The following SLC5A5 variants were observed in gnomAD, a reference collection of about 807,000 sequenced individuals.
SLC5A5 encodes the protein solute carrier family 5 member 5, also known as sodium/iodide cotransporter.
SLC5A5 carries 56 observed loss-of-function variants against 68.6 expected under a neutral mutation model. The ratio of observed to expected loss-of-function variants is 0.82; its 90% CI spans 0.66 to 1.02. The LOEUF is 1.02. SLC5A5 is among the 50% of genes least tolerant of loss of function. The pLI is 0.00. For missense variants in SLC5A5, 807 were observed against 859.8 expected (o/e 0.94, Z 0.77); for synonymous variants, 398 against 373.0 (o/e 1.07, Z -0.77).
chr19:17,888,695 T>G lies in SLC5A5; in HGVS notation c.1651+240T>G, dbSNP rs181872368. On this transcript the variant is annotated intron_variant, in intron 13 of 14. Coordinates refer to ENST00000222248, the MANE Select transcript of SLC5A5 (RefSeq NM_000453.3). ...TCACCCAGGCTGGAGTGCAGTGGTG[T>G]GATCTCAGTTCATTGCAACCTCCAC... is the stretch of plus-strand genomic sequence containing the variant. Among the ~76,000 whole-genome samples the G allele has an allele frequency of 4.6e-5, 7 of 151,622 alleles. No individual in the cohort carries two copies. The East Asian group carries it at 1.4e-3, about 29-fold the overall frequency.
rs760177027 is a variant in SLC5A5, at chr19:17,878,045, C to T, written c.921C>T (p.Tyr307=). 1.9e-5 allele frequency: 31 copies of T among 1,613,018 alleles called. No homozygotes were observed. The highest frequency in any genetic ancestry group is 2.5e-5 in the Non-Finnish European group (30 of 1,180,026). Residue 307 remains tyrosine, a synonymous_variant, in exon 7 of 15, where the codon TAC becomes TAT. Coordinates refer to ENST00000222248, the MANE Select transcript of SLC5A5 (RefSeq NM_000453.3). ...GTGGCATCGTCATGTTTGTGTTCTA[C>T]ACTGACTGCGACCCTCTCCTCCTGG... is the stretch of plus-strand genomic sequence containing the variant. ...ACCGIVMFVF[Y]TDCDPLLLGR... is the part of the protein sequence containing the mutation.
At chr19:17,886,455 AT>A (rs2029923671) in intron 12 of SLC5A5, among the ~76,000 whole-genome samples, 1 of 151,818 alleles carries the variant, frequency 6.6e-6, no homozygotes, top group South Asian at 2.1e-4. Flanking sequence ...CTACAGGCAT[AT>A]GCCACCACGC....
intron 6 of SLC5A5, 40 bp downstream of exon 6, chr19:17,877,903 T>C: frequency 6.2e-7 from 1 of 1,613,564 alleles, no homozygotes; most frequent in Non-Finnish European, 8.5e-7. Flanking sequence ...TTCTGGGACA[T>C]GCTGCCCCCC....
At chr19:17,879,404 C>T (rs73520730) in intron 7 of SLC5A5, among the ~76,000 whole-genome samples, 2,334 of 152,302 alleles carry the variant, frequency 0.015, 59 homozygotes, top group African/African-American at 0.053. Context: ...TCTGGTCTCC[C>T]ATGTCCCAAG....
At chr19:17,872,828 G>C in intron 1 of SLC5A5, 152 bp downstream of exon 1, 1 of 637,220 alleles carries the variant, frequency 1.6e-6, no homozygotes, top group Non-Finnish European at 2.8e-6. Context: ...AGACACGTGG[G>C]GAGGGTTCTA....
intron 12 of SLC5A5, 37 bp downstream of exon 12, chr19:17,884,083 T>A (rs1431681140): frequency 1.3e-6 from 2 of 1,495,812 alleles, no homozygotes; most frequent in South Asian, 1.2e-5. Context: ...ACCCGAGCCC[T>A]GGATGGTGTG....
Position 17,888,357 on chromosome 19 carries a change from C to T in SLC5A5, c.1553C>T (p.Ala518Val), listed in dbSNP as rs375867780. The T allele has an allele frequency of 3.5e-5, 56 of 1,613,892 alleles. No homozygotes were observed. Among genetic ancestry groups the T allele is most frequent in the Non-Finnish European group, 4.5e-5 (53 of 1,180,020 alleles). Reference protein sequence around the residue: ...PSSGMDASRPALADSFYAISY... With the variant: ...PSSGMDASRPVLADSFYAISY... ...TCAGGAATGGACGCCAGCCGACCCG[C>T]CTTAGCTGACAGCTTCTATGCCATC... is the stretch of plus-strand genomic sequence containing the variant. The change falls in exon 13 of 15, where the codon GCC (alanine) becomes GTC (valine). Residue 518 changes from alanine to valine, a missense_variant. Coordinates refer to ENST00000222248, the MANE Select transcript of SLC5A5 (RefSeq NM_000453.3).
At position 17,872,164 on chromosome 19, in the gene SLC5A5, C is replaced by T; in HGVS notation, c.-156C>T. Reference sequence around the variant, plus strand: ...AGATTCCTAACCCAGGGAGCCCCGGCCCCTCTCGCCGCTTCCCACCCCAGA... The same window carrying T: ...AGATTCCTAACCCAGGGAGCCCCGGTCCCTCTCGCCGCTTCCCACCCCAGA... On this transcript the variant is annotated 5_prime_UTR_variant, in exon 1 of 15. Coordinates refer to ENST00000222248, the MANE Select transcript of SLC5A5 (RefSeq NM_000453.3). 1 of 613,386 alleles carries T rather than the reference C, an allele frequency of 1.6e-6. No individual in the cohort carries two copies. Among genetic ancestry groups the T allele is most frequent in the Non-Finnish European group, 2.9e-6 (1 of 349,328 alleles). The allele number at this position is 613,386 out of a possible 1,614,324, so 38.0% of individuals were successfully genotyped here. A position where few individuals can be genotyped will look rare whatever the true frequency, so the allele number is the denominator to read the frequency against.
chr19:17,873,498 C>T (rs552048532), intron 1 of SLC5A5, among the ~76,000 whole-genome samples: 1 of 151,364 alleles, frequency 6.6e-6, no homozygotes, highest in South Asian at 2.1e-4. Flanking sequence ...TGGCTCACGC[C>T]TGTAATCCCA....
rs2094295358 is a variant in SLC5A5 at position 17,872,078 on chromosome 19, G to A, written c.-242G>A. 4 of 559,386 alleles carry A rather than the reference G, an allele frequency of 7.2e-6. No individual in the cohort carries two copies. Among genetic ancestry groups the A allele is most frequent in the Admixed American group, 3.2e-5 (1 of 31,362 alleles). The allele number at this position is 559,386 out of a possible 1,614,324, so 34.7% of individuals were successfully genotyped here. A position where few individuals can be genotyped will look rare whatever the true frequency, so the allele number is the denominator to read the frequency against. The stretch of plus-strand genomic sequence containing the variant: ...GAGGTGGCAGGACAGACAGACAGCA[G>A]GGGCGGACGCAGAGACAGACAGCGG... On this transcript the variant is annotated 5_prime_UTR_variant, in exon 1 of 15. Coordinates refer to ENST00000222248, the MANE Select transcript of SLC5A5 (RefSeq NM_000453.3).
At chr19:17,878,188 G>C in intron 7 of SLC5A5, 95 bp downstream of exon 7, 1 of 1,403,836 alleles carries the variant, frequency 7.1e-7, no homozygotes. Context: ...GGAATGGCCT[G>C]TGCAAAGGCC....
At chr19:17,878,259 C>T (rs1168858045) in intron 7 of SLC5A5, among the ~76,000 whole-genome samples, 166 bp downstream of exon 7, 1 of 152,164 alleles carries the variant, frequency 6.6e-6, no homozygotes, top group Non-Finnish European at 1.5e-5. Context: ...TATCCCAGCA[C>T]TTTGGGAGGC....
Position 17,894,106 on chromosome 19 carries a change from C to T in SLC5A5, c.*229C>T, listed in dbSNP as rs1189372126. ...CCAGTATTAGACGCTGCAGCCCTGA[C>T]GGCTCCCCCCAAATAAGGCTGGGTT... On this transcript the variant is annotated 3_prime_UTR_variant, in exon 15 of 15. Transcript: ENST00000222248. The T allele has an allele frequency of 4.0e-5, 21 of 518,780 alleles. No homozygotes were observed. Among genetic ancestry groups the T allele is most frequent in the Middle Eastern group, 5.3e-4 (1 of 1,898 alleles). The allele number at this position is 518,780 out of a possible 1,614,324, so 32.1% of individuals were successfully genotyped here. A position where few individuals can be genotyped will look rare whatever the true frequency, so the allele number is the denominator to read the frequency against.
At chr19:17,887,083 AAAAC>A (rs1042193529) in intron 12 of SLC5A5, among the ~76,000 whole-genome samples, 6 of 152,026 alleles carry the variant, frequency 3.9e-5, no homozygotes, top group African/African-American at 9.7e-5. Context: ...CTCAAATTAA[AAAAC>A]AAACAAACAA....
chr19:17,890,890 C>T lies in SLC5A5; in HGVS notation c.1656C>T (p.Pro552=). ...CGALISCLTG[P]TKRSTLAPGL... ...CCATTTCTCCCCGCCTCTCAGGCCC[C>T]ACCAAGCGCAGCACCCTGGCCCCGG... The change falls in exon 14 of 15, where the codon CCC becomes CCT. Residue 552 remains proline, a synonymous_variant. Coordinates refer to ENST00000222248, the MANE Select transcript of SLC5A5 (RefSeq NM_000453.3). 1 of 1,612,330 alleles carries T rather than the reference C, an allele frequency of 6.2e-7. No homozygotes were observed. The highest frequency in any genetic ancestry group is 1.3e-5 in the African/African-American group (1 of 75,012).
rs549387979 is a variant in SLC5A5, at chr19:17,891,476, G to A, written c.1767+475G>A. ...CCACCTTAGACCCCCAAAGTGCTGG[G>A]ATGACAGGCATGAGCCACCGAGCCC... On this transcript the variant is annotated intron_variant, in intron 14 of 14. Transcript: ENST00000222248. Among the ~76,000 whole-genome samples the A allele has an allele frequency of 2.0e-5, 3 of 152,160 alleles. No homozygotes were observed. The East Asian group carries it at 5.8e-4, about 29-fold the overall frequency.
At position 17,872,136 on chromosome 19, in the gene SLC5A5, C is replaced by T. The variant is rs534574809; in HGVS notation, c.-184C>T. On this transcript the variant is annotated 5_prime_UTR_variant, in exon 1 of 15. Coordinates refer to ENST00000222248, the MANE Select transcript of SLC5A5 (RefSeq NM_000453.3). ...GAGGCCGACACGGACATCGACAGCC[C>T]ATAGATTCCTAACCCAGGGAGCCCC... is the stretch of plus-strand genomic sequence containing the variant. 214 of 593,156 alleles carry T rather than the reference C, an allele frequency of 3.6e-4. No homozygotes were observed. The highest frequency in any genetic ancestry group is 5.6e-4 in the Non-Finnish European group (187 of 334,128). 36.7% of individuals were successfully genotyped at this position (593,156 alleles called of 1,614,324 possible). A position where few individuals can be genotyped will look rare whatever the true frequency, so the allele number is the denominator to read the frequency against.
Position 17,872,384 on chromosome 19 carries a change from T to C in SLC5A5, c.65T>C (p.Leu22Pro). The change falls in exon 1 of 15, where the codon CTC (leucine) becomes CCC (proline). Residue 22 changes from leucine to proline, a missense_variant. Leu to Pro is a moderately conservative substitution (Grantham distance 98). Coordinates refer to ENST00000222248, the MANE Select transcript of SLC5A5 (RefSeq NM_000453.3). ...FGAWDYGVFALMLLVSTGIGL... is the reference protein window; with the variant it reads ...FGAWDYGVFAPMLLVSTGIGL... ...GCCTGGGACTACGGGGTCTTTGCCC[T>C]CATGCTCCTGGTGTCCACTGGCATC... The C allele has an allele frequency of 6.2e-7, 1 of 1,601,322 alleles. No individual in the cohort carries two copies. Among genetic ancestry groups the C allele is most frequent in the Non-Finnish European group, 8.5e-7 (1 of 1,173,864 alleles).
rs1462509962 is a variant in SLC5A5, at chr19:17,888,458, A to G, written c.1651+3A>G. ...AGCCCTCATCAGCTGCCTGACAGGTAGGTAAACAGAGCATGTGGCCTCAGA... is the reference window on the plus strand; with the variant it reads ...AGCCCTCATCAGCTGCCTGACAGGTGGGTAAACAGAGCATGTGGCCTCAGA... On this transcript the variant is annotated splice_donor_region_variant and intron_variant, in intron 13 of 14. Transcript: ENST00000222248. The G allele has an allele frequency of 6.2e-7, 1 of 1,613,570 alleles. No individual in the cohort carries two copies. The highest frequency in any genetic ancestry group is 1.3e-5 in the African/African-American group (1 of 74,892).
Sources: allele counts gnomAD v4.1 joint callset (sites outside exome capture counted in the v4.1 genomes callset), GRCh38; gene constraint gnomAD v4.1.1; transcripts MANE v1.5; gene names NCBI Gene and HGNC (gene_info 2026-07-23, HGNC 2026-07-21).